SLC38A11: variants seen among roughly 807,000 people sequenced by gnomAD.
SLC38A11 encodes putative sodium-coupled neutral amino acid transporter 11.
SLC38A11 carries 51 observed loss-of-function variants against 49.4 expected under a neutral mutation model. The observed-to-expected ratio is 1.03, with a 90% CI of 0.83 to 1.30. The LOEUF (loss-of-function observed/expected upper bound fraction) is 1.30, where lower values mean the gene tolerates loss of function less well. SLC38A11 is among the 50% of genes most tolerant of loss of function. The pLI is 0.00. For missense variants in SLC38A11, 574 were observed against 556.2 expected (o/e 1.03, Z -0.32); for synonymous variants, 203 against 192.9 (o/e 1.05, Z -0.43).
intron 7 of SLC38A11, among the ~76,000 whole-genome samples, chr2:164,925,484 G>A (rs925030271): frequency 1.3e-5 from 2 of 150,622 alleles, no homozygotes; most frequent in African/African-American, 4.9e-5. Flanking sequence ...TGCAGTCCCT[G>A]TACAGTTTTC....
At chr2:164,899,680 T>G (rs1684533385) in intron 11 of SLC38A11, among the ~76,000 whole-genome samples, 1 of 152,150 alleles carries the variant, frequency 6.6e-6, no homozygotes, top group South Asian at 2.1e-4. Flanking sequence ...AAATAAATTT[T>G]ATTGTGTATA....
rs772093263 is a variant in SLC38A11 at position 164,915,919 on chromosome 2, G to A, written c.672C>T (p.Val224=). The part of the protein sequence containing the change: ...VFAKPNAIQA[V]GVMSFAFICH... Reference sequence around the variant, plus strand: ...AATACTCACCAAAAGACATAACCCCGACCGCTTGAATGGCATTGGGCTTTG... The same window carrying A: ...AATACTCACCAAAAGACATAACCCCAACCGCTTGAATGGCATTGGGCTTTG... The change falls in exon 8 of 12, where the codon GTC becomes GTT. Residue 224 remains valine (V), a synonymous_variant. Transcript: ENST00000685975. 4 of 1,601,934 alleles carry A rather than the reference G, an allele frequency of 2.5e-6. No homozygotes were observed. The highest frequency in any genetic ancestry group is 1.3e-5 in the African/African-American group (1 of 74,910).
chr2:164,943,653 T>C (rs919177349), intron 5 of SLC38A11, among the ~76,000 whole-genome samples: 13 of 152,042 alleles, frequency 8.6e-5, no homozygotes, highest in African/African-American at 2.9e-4. Flanking sequence ...TGGAATTGTT[T>C]TGCATTATTT....
chr2:164,947,616 T>A (rs944894744), intron 3 of SLC38A11, among the ~76,000 whole-genome samples: 1 of 152,196 alleles, frequency 6.6e-6, no homozygotes, highest in Non-Finnish European at 1.5e-5. Flanking sequence ...ATCTTAATTT[T>A]AAAATATATA....
At chr2:164,947,338 G>A (rs1409860509) in intron 3 of SLC38A11, among the ~76,000 whole-genome samples, 1 of 151,778 alleles carries the variant, frequency 6.6e-6, no homozygotes, top group East Asian at 1.9e-4. Flanking sequence ...TGCCACGTTG[G>A]CCAAGATGGT....
intron 7 of SLC38A11, among the ~76,000 whole-genome samples, chr2:164,921,723 G>A (rs1459245303): frequency 6.6e-6 from 1 of 152,076 alleles, no homozygotes; most frequent in Admixed American, 6.6e-5. Context: ...AATACCTTAG[G>A]AAGCTTTAAA....
intron 7 of SLC38A11, chr2:164,922,174 T>C (rs1686248447): frequency 6.6e-6 from 1 of 152,206 alleles, no homozygotes; most frequent in African/African-American, 2.4e-5. Flanking sequence ...AACTTAAACC[T>C]CTGGATCAGG....
rs1687987254 is a variant in SLC38A11, at chr2:164,944,625, C to A, written c.374G>T (p.Ser125Ile). 2 of 1,278,606 alleles carry A rather than the reference C, an allele frequency of 1.6e-6. No individual in the cohort carries two copies. Among genetic ancestry groups the A allele is most frequent in the Admixed American group, 3.3e-5 (1 of 30,766 alleles). The allele number at this position is 1,278,606 out of a possible 1,614,324, so 79.2% of individuals were successfully genotyped here. Residue 125 changes from serine to isoleucine, a missense_variant, in exon 5 of 12, where the codon AGT (serine) becomes ATT (isoleucine). Physicochemically the swap from Ser to Ile is moderately radical, Grantham distance 142. Coordinates refer to ENST00000685975, the MANE Select transcript of SLC38A11 (RefSeq NM_001351537.2). ...QFLYPFIAMI[S>I]YNIIAGDTLS... The stretch of plus-strand genomic sequence containing the variant: ...AGTATCTCCAGCTATTATATTGTAA[C>A]TTATCATTGCTAAAAACATAATTAA...
At chr2:164,903,513 T>C (rs185515594) in intron 11 of SLC38A11, among the ~76,000 whole-genome samples, 1 of 152,320 alleles carries the variant, frequency 6.6e-6, no homozygotes, top group Non-Finnish European at 1.5e-5. Flanking sequence ...AGCTACTTTC[T>C]TGATATTTAA....
chr2:164,915,906 A>C lies in SLC38A11; in HGVS notation c.685T>G (p.Phe229Val). 1 of 1,599,206 alleles carries C rather than the reference A, an allele frequency of 6.3e-7. No individual in the cohort carries two copies. The highest frequency in any genetic ancestry group is 8.6e-7 in the Non-Finnish European group (1 of 1,169,150). Residue 229 changes from phenylalanine to valine, a missense_variant, in exon 8 of 12, where the codon TTT (phenylalanine) becomes GTT (valine). By Grantham distance (50) the Phe-to-Val change is conservative. Coordinates refer to ENST00000685975, the MANE Select transcript of SLC38A11 (RefSeq NM_001351537.2). ...GCCTTTGAAACCAAATACTCACCAA[A>C]AGACATAACCCCGACCGCTTGAATG... ...NAIQAVGVMSFAFICHHNSFL... is the reference protein window; with the variant it reads ...NAIQAVGVMSVAFICHHNSFL...
chr2:164,927,213 G>A (rs956970229), intron 7 of SLC38A11, among the ~76,000 whole-genome samples: 1 of 152,070 alleles, frequency 6.6e-6, no homozygotes, highest in Non-Finnish European at 1.5e-5. Context: ...TGTCATCTTG[G>A]GAGCAGAAAG....
At chr2:164,908,349 G>A (rs1685161117) in intron 11 of SLC38A11, among the ~76,000 whole-genome samples, 1 of 152,000 alleles carries the variant, frequency 6.6e-6, no homozygotes, top group Admixed American at 6.6e-5. Context: ...TGCTGTGAGA[G>A]ACCTGCACAT....
intron 3 of SLC38A11, among the ~76,000 whole-genome samples, chr2:164,948,324 A>C (rs554822366): frequency 6.6e-6 from 1 of 152,356 alleles, no homozygotes; most frequent in East Asian, 1.9e-4. Flanking sequence ...ACAAACTACT[A>C]GCAAATGCTT....
chr2:164,952,993 A>C (rs369815809), intron 2 of SLC38A11: 3 of 480,824 alleles, frequency 6.2e-6, no homozygotes. Context: ...GGACAAGTTA[A>C]GAGAGCAAGT....
chr2:164,912,967 G>A (rs553049431), intron 9 of SLC38A11, among the ~76,000 whole-genome samples: 47 of 152,008 alleles, frequency 3.1e-4, no homozygotes, highest in African/African-American at 1.1e-3. Flanking sequence ...TGTATATAAC[G>A]TGCTTAAATG....
At chr2:164,924,901 A>G (rs1275751808) in intron 7 of SLC38A11, among the ~76,000 whole-genome samples, 3 of 149,854 alleles carry the variant, frequency 2.0e-5, no homozygotes, top group Admixed American at 6.7e-5. Flanking sequence ...TGCCCGGCTA[A>G]TTTTTTGTAT....
intron 5 of SLC38A11, 112 bp downstream of exon 5, chr2:164,944,457 A>T: frequency 2.4e-6 from 1 of 414,754 alleles, no homozygotes; most frequent in African/African-American, 2.1e-5. Flanking sequence ...ACCTGAAGTA[A>T]TCCAATAATT....
intron 11 of SLC38A11, among the ~76,000 whole-genome samples, chr2:164,902,558 TA>T (rs937623630): frequency 1.3e-5 from 2 of 152,180 alleles, no homozygotes; most frequent in Non-Finnish European, 2.9e-5. Flanking sequence ...ACCTATGGTT[TA>T]AAAGCTTTTT....
chr2:164,938,646 C>T lies in SLC38A11; in HGVS notation c.537+804G>A, dbSNP rs559824920. Among the ~76,000 whole-genome samples, 6 of 152,204 alleles carry T rather than the reference C, an allele frequency of 3.9e-5. No individual in the cohort carries two copies. The East Asian group carries it at 7.7e-4, about 20-fold the overall frequency. ...GTCAGAATACTTTGAAATATTATGT[C>T]TACCCTCAGCTCTACCTGGAAGGAT... On this transcript the variant is annotated intron_variant, in intron 6 of 11. Transcript: ENST00000685975.
Sources: gnomAD v4.1 joint callset for allele counts (sites outside exome capture counted in the v4.1 genomes callset) on GRCh38, gnomAD v4.1.1 for gene constraint, MANE v1.5 for transcripts, NCBI Gene and HGNC (gene_info 2026-07-23, HGNC 2026-07-21) for gene names.